Variants in IFT172 observed in about 807,000 individuals in gnomAD.
IFT172 encodes the protein intraflagellar transport 172, also known as intraflagellar transport protein 172 homolog.
A neutral mutation model predicts 248.9 loss-of-function variants in IFT172; 164 were observed. The observed-to-expected ratio is 0.66, with a 90% CI of 0.58 to 0.75. The LOEUF (loss-of-function observed/expected upper bound fraction) is 0.75. Among genes scored for constraint, IFT172 ranks in the 30% least tolerant of loss-of-function variants. IFT172 has a pLI of 0.00. For synonymous variants in IFT172, 729 were observed against 791.6 expected (o/e 0.92, Z 1.33); for missense variants, 1,950 against 2,192.4 (o/e 0.89, Z 2.21).
At position 27,454,178 on chromosome 2, in the gene IFT172, G is replaced by A. The variant is rs1462503983; in HGVS notation, c.3531-16C>T. ...ATGGACAAACCTGCCTCCAGGTGGGGACAGAGGAGAGACTGAGTATAGGAC... is the reference window on the plus strand; with the variant it reads ...ATGGACAAACCTGCCTCCAGGTGGGAACAGAGGAGAGACTGAGTATAGGAC... On this transcript the variant is annotated splice_polypyrimidine_tract_variant and intron_variant, in intron 32 of 47. Transcript: ENST00000260570. The surrounding 1 kb of genome is among the most constrained non-coding windows in gnomAD (Gnocchi z 4.2). The A allele has an allele frequency of 4.4e-6, 7 of 1,609,158 alleles. No homozygotes were observed. Among genetic ancestry groups the A allele is most frequent in the Non-Finnish European group, 5.1e-6 (6 of 1,177,054 alleles).
Position 27,477,977 on chromosome 2 carries a change from C to T in IFT172, c.1167+18G>A, listed in dbSNP as rs748801545. On this transcript the variant is annotated intron_variant, in intron 11 of 47. Coordinates refer to ENST00000260570, the MANE Select transcript of IFT172 (RefSeq NM_015662.3). ...AAGATGCCCTATTCCCCACCCTACCCTCAATTTTGGTTCCTACCTCACTAA... is the reference window on the plus strand; with the variant it reads ...AAGATGCCCTATTCCCCACCCTACCTTCAATTTTGGTTCCTACCTCACTAA... 3.1e-6 allele frequency: 5 copies of T among 1,613,934 alleles called. No homozygotes were observed. In the African/African-American group the frequency reaches 4.0e-5, roughly 13 times the overall value.
chr2:27,458,591 T>C (rs1012928208), intron 26 of IFT172, among the ~76,000 whole-genome samples, 188 bp downstream of exon 26: 1 of 152,214 alleles, frequency 6.6e-6, no homozygotes. Context: ...TAGATAGGTC[T>C]GGAAACAAGG....
chr2:27,465,844 G>A lies in IFT172; in HGVS notation c.1731C>T (p.Thr577=), dbSNP rs369849820. The A allele has an allele frequency of 4.3e-6, 7 of 1,613,814 alleles. No individual in the cohort carries two copies. The highest frequency in any genetic ancestry group is 1.7e-4 in the Middle Eastern group (1 of 6,060). The change falls in exon 17 of 48, where the codon ACC becomes ACT. Residue 577 remains threonine, a synonymous_variant. Coordinates refer to ENST00000260570, the MANE Select transcript of IFT172 (RefSeq NM_015662.3). ...VIGLERGGGK[T]EVMVMEGVTT... ...TCACACCTTCCATCACCATCACCTC[G>A]GTCTTTCCCCCGCCCCGCTCCAGAC...
intron 25 of IFT172, 132 bp downstream of exon 25, chr2:27,459,246 T>C: frequency 8.6e-7 from 1 of 1,162,216 alleles, no homozygotes; most frequent in East Asian, 2.4e-5. Context: ...TCTCTTCCCC[T>C]TCAAGGTGAT....
chr2:27,486,550 C>A (rs1180069738), intron 1 of IFT172, among the ~76,000 whole-genome samples: 3 of 152,236 alleles, frequency 2.0e-5, no homozygotes, highest in African/African-American at 7.2e-5. Context: ...AACATTGACA[C>A]TTTACACTCC....
At position 27,465,883 on chromosome 2, in the gene IFT172, C is replaced by T. The variant is rs780210480; in HGVS notation, c.1693-1G>A. ...CCCGCTCCAGACCTATAACATCACC[C>T]TGTAAAAGTTTATCCCCCAACCCAC... On this transcript the variant is annotated splice_acceptor_variant, in intron 16 of 47. Transcript: ENST00000260570. LOFTEE classifies it high-confidence loss of function. 3.7e-6 allele frequency: 6 copies of T among 1,614,088 alleles called. No homozygotes were observed. Among genetic ancestry groups the T allele is most frequent in the Non-Finnish European group, 5.1e-6 (6 of 1,179,988 alleles).
chr2:27,488,179 G>A (rs1314800049), intron 1 of IFT172, among the ~76,000 whole-genome samples: 1 of 150,924 alleles, frequency 6.6e-6, no homozygotes, highest in Non-Finnish European at 1.5e-5. Flanking sequence ...TTTGGACAAA[G>A]TCTCACTCTT....
rs147394910 is a variant in IFT172 at position 27,453,484 on chromosome 2, C to A, written c.3851G>T (p.Arg1284Leu). Reference sequence around the variant, plus strand: ...GTACTCTCCAGCCTGCTCCCAGTGTCGAGCTTGTTCCACAAATCCCTCCAC... The same window carrying A: ...GTACTCTCCAGCCTGCTCCCAGTGTAGAGCTTGTTCCACAAATCCCTCCAC... ...RGVEGFVEQA[R>L]HWEQAGEYSR... Residue 1284 changes from arginine to leucine, a missense_variant, in exon 35 of 48, where the codon CGA (arginine) becomes CTA (leucine). Around this residue, in one of 3 missense-constraint regions of IFT172, gnomAD observed 620 missense variants for 699.0 expected, o/e 0.89. Coordinates refer to ENST00000260570, the MANE Select transcript of IFT172 (RefSeq NM_015662.3). 8.7e-6 allele frequency: 14 copies of A among 1,614,180 alleles called. No homozygotes were observed. The highest frequency in any genetic ancestry group is 1.0e-5 in the Non-Finnish European group (12 of 1,180,034).
chr2:27,466,328 C>A (rs1299002116), intron 16 of IFT172, among the ~76,000 whole-genome samples: 2 of 151,822 alleles, frequency 1.3e-5, no homozygotes, highest in East Asian at 1.9e-4. Flanking sequence ...AAATCCTGAG[C>A]AAGAAAAAAA....
In IFT172 at chr2:27,445,360, G is replaced by T. The variant is rs761028024; in HGVS notation, c.5004C>A (p.Gly1668=). 6 of 1,612,960 alleles carry T rather than the reference G, an allele frequency of 3.7e-6. No individual in the cohort carries two copies. The Admixed American group carries it at 1.0e-4, about 27-fold the overall frequency. ...CTGCCACTAGGGAGGCCTCGTAGGC[G>T]CCACGCTCATCCCGAGGCAGAACCT... The part of the protein sequence containing the change: ...LEQVLPRDER[G]AYEASLVAAS... The change falls in exon 46 of 48, where the codon GGC becomes GGA. Residue 1668 remains glycine, a synonymous_variant. Coordinates refer to ENST00000260570, the MANE Select transcript of IFT172 (RefSeq NM_015662.3). This position sits in a 1 kb window ranked among gnomAD's most constrained non-coding sequence, Gnocchi z 4.4.
intron 40 of IFT172, among the ~76,000 whole-genome samples, chr2:27,448,618 G>A (rs1321241488): frequency 6.6e-6 from 1 of 152,150 alleles, no homozygotes; most frequent in African/African-American, 2.4e-5. Context: ...AGGCCCTAGA[G>A]GTGTATGCAG....
chr2:27,473,747 C>A (rs984754359), intron 14 of IFT172, among the ~76,000 whole-genome samples: 1 of 151,998 alleles, frequency 6.6e-6, no homozygotes, highest in African/African-American at 2.4e-5. Flanking sequence ...AGAAGGTCTA[C>A]GATTTTAGAT....
chr2:27,445,532 C>CTAAG lies in IFT172; in HGVS notation c.4915-87_4915-84dup. 6.8e-7 allele frequency: 1 copy of CTAAG among 1,468,062 alleles called. No individual in the cohort carries two copies. 90.9% of individuals were successfully genotyped at this position (1,468,062 alleles called of 1,614,324 possible). A position where few individuals can be genotyped will look rare whatever the true frequency, so the allele number is the denominator to read the frequency against. ...GGTGGATGGGTGAGGAGGGGGTTTG[C>CTAAG]TAAGCCCTCATCCTGTATACCAGCT... On this transcript the variant is annotated intron_variant, in intron 45 of 47. Coordinates refer to ENST00000260570, the MANE Select transcript of IFT172 (RefSeq NM_015662.3). The surrounding 1 kb of genome is among the most constrained non-coding windows in gnomAD (Gnocchi z 4.4).
Position 27,453,529 on chromosome 2 carries a change from C to T in IFT172, c.3822-16G>A, listed in dbSNP as rs373661630. 4.5e-5 allele frequency: 72 copies of T among 1,612,848 alleles called. No individual in the cohort carries two copies. The highest frequency in any genetic ancestry group is 1.6e-4 in the Middle Eastern group (1 of 6,082). On this transcript the variant is annotated splice_polypyrimidine_tract_variant and intron_variant, in intron 34 of 47. Transcript: ENST00000260570. ...CTCCACACCCCTGTGGAGATGAGAG[C>T]GCTGGGACTTGGCATGGTAGGGGGG... is the stretch of plus-strand genomic sequence containing the variant.
At position 27,454,217 on chromosome 2, in the gene IFT172, G is replaced by C; in HGVS notation, c.3531-55C>G. 6.2e-7 allele frequency: 1 copy of C among 1,600,892 alleles called. No homozygotes were observed. The highest frequency in any genetic ancestry group is 8.5e-7 in the Non-Finnish European group (1 of 1,169,978). ...TGAGTATAGGACTGAGGCCCCAATA[G>C]TGGGAGACAAACAGCCATGTCACTG... On this transcript the variant is annotated intron_variant, in intron 32 of 47. Transcript: ENST00000260570. The surrounding 1 kb of genome is among the most constrained non-coding windows in gnomAD (Gnocchi z 4.2).
intron 25 of IFT172, 188 bp downstream of exon 25, chr2:27,459,190 G>C: frequency 1.4e-6 from 1 of 703,950 alleles, no homozygotes; most frequent in South Asian, 2.0e-5. Context: ...TGGGGTGAAG[G>C]GCGATATCTG....
rs769756725 is a variant in IFT172 at position 27,457,622 on chromosome 2, T to A, written c.3228+17A>T. 2.5e-6 allele frequency: 4 copies of A among 1,594,828 alleles called. No individual in the cohort carries two copies. The East Asian group carries it at 8.9e-5, about 36-fold the overall frequency. ...AGAAGGATGGATGTATCCCTCAGTGTGGCCTGAACTCCTTACCCTGTAGGC... is the reference window on the plus strand; with the variant it reads ...AGAAGGATGGATGTATCCCTCAGTGAGGCCTGAACTCCTTACCCTGTAGGC... On this transcript the variant is annotated intron_variant, in intron 29 of 47. Transcript: ENST00000260570.
chr2:27,487,533 T>C (rs1668855430), intron 1 of IFT172, among the ~76,000 whole-genome samples: 1 of 152,196 alleles, frequency 6.6e-6, no homozygotes, highest in Non-Finnish European at 1.5e-5. Context: ...CCAAAAAGAT[T>C]AAGTAATTTG....
Position 27,477,298 on chromosome 2 carries a change from C to T in IFT172, c.1244G>A (p.Gly415Glu), listed in dbSNP as rs1014536412. 3 of 1,614,088 alleles carry T rather than the reference C, an allele frequency of 1.9e-6. No homozygotes were observed. The highest frequency in any genetic ancestry group is 2.5e-6 in the Non-Finnish European group (3 of 1,179,998). ...CCCATATTCCACCAGGGTTAGCTCT[C>T]CGGCATTGAAGATCATGCATACCTG... ...NENVCMIFNAGELTLVEYGNN... is the reference protein window; with the variant it reads ...NENVCMIFNAEELTLVEYGNN... Residue 415 changes from glycine (G) to glutamate (E), a missense_variant, in exon 13 of 48, where the codon GGA (glycine) becomes GAA (glutamate). By Grantham distance (98) the Gly-to-Glu change is moderately conservative (BLOSUM62 -2). Coordinates refer to ENST00000260570, the MANE Select transcript of IFT172 (RefSeq NM_015662.3).
Sources: gnomAD v4.1 joint callset for allele counts (sites outside exome capture counted in the v4.1 genomes callset) on GRCh38, gnomAD v4.1.1 for gene constraint, gnomAD v4.1.1 regional missense constraint, Gnocchi (gnomAD v3.1) non-coding constraint, MANE v1.5 for transcripts, NCBI Gene and HGNC (gene_info 2026-07-23, HGNC 2026-07-21) for gene names.